Variants in FGF13 observed in about 807,000 individuals in gnomAD.
FGF13 encodes fibroblast growth factor 13.
A neutral mutation model predicts 19.5 loss-of-function variants in FGF13; 2 were observed. The observed-to-expected ratio is 0.10, with a 90% confidence interval of 0.04 to 0.32. The LOEUF (loss-of-function observed/expected upper bound fraction) is 0.32. Ranked by LOEUF, FGF13 falls within the 10% of genes least tolerant of loss-of-function variation. The probability of loss-of-function intolerance (pLI) is 1.00; values close to 1 mark genes in which losing one functional copy is unlikely to be tolerated. For synonymous variants in FGF13, 72 were observed against 76.9 expected, an observed-to-expected ratio of 0.94 and a Z score of 0.33; for missense variants, 113 against 192.7, an observed-to-expected ratio of 0.59 and a Z score of 2.45.
intron 1 of FGF13, among the ~76,000 whole-genome samples, chrX:138,962,648 A>T (rs781346934): frequency 0.013 from 1,414 of 112,382 alleles, 29 homozygotes; most frequent in African/African-American, 0.043. Context: ...ATATACACCA[A>T]GGAATACTAT....
At chrX:138,932,221 C>G (rs1440912889) in intron 1 of FGF13, among the ~76,000 whole-genome samples, 1 of 111,874 alleles carries the variant, frequency 8.9e-6, no homozygotes, top group Non-Finnish European at 1.9e-5. Context: ...AGCTTAGTAC[C>G]ATTTGCAGCA....
intron 1 of FGF13, among the ~76,000 whole-genome samples, chrX:139,107,166 G>C (rs2083566455): frequency 8.9e-6 from 1 of 111,861 alleles, no homozygotes; most frequent in South Asian, 3.8e-4. Context: ...GTGATGAAGA[G>C]TGGCAACATG....
chrX:138,742,813 T>TCCAGGCC (rs1327239423), upstream of FGF13, among the ~76,000 whole-genome samples: 2 of 111,994 alleles, frequency 1.8e-5, no homozygotes. Context: ...AGCTCTTGTC[T>TCCAGGCC]CCAGGCCCCC....
chrX:138,947,905 G>T (rs1034469332), intron 1 of FGF13, among the ~76,000 whole-genome samples: 1 of 111,129 alleles, frequency 9.0e-6, no homozygotes, highest in Admixed American at 9.6e-5. Flanking sequence ...GAAGAAATTT[G>T]GAAACAGATA....
At chrX:138,785,256 T>C (rs930252700) in intron 3 of FGF13, among the ~76,000 whole-genome samples, 2 of 111,407 alleles carry the variant, frequency 1.8e-5, no homozygotes, top group Non-Finnish European at 1.9e-5. Flanking sequence ...CTCTCTTTCT[T>C]GCATCTTAAG....
intron 1 of FGF13, among the ~76,000 whole-genome samples, chrX:138,868,450 T>C (rs1201350018): frequency 9.0e-6 from 1 of 111,047 alleles, no homozygotes; most frequent in African/African-American, 3.3e-5. Context: ...TAACAATTAG[T>C]AGAGAAACTC....
intron 3 of FGF13, among the ~76,000 whole-genome samples, chrX:138,658,884 T>C (rs1275173713): frequency 4.5e-5 from 5 of 112,267 alleles, no homozygotes; most frequent in African/African-American, 1.6e-4. Flanking sequence ...TTTTTTAAAG[T>C]GTAAGTCCTC....
chrX:138,668,024 GATAGGATTTCCATAGTCTTCCAAGAATT>G (rs761597762), intron 3 of FGF13, among the ~76,000 whole-genome samples: 3 of 111,287 alleles, frequency 2.7e-5, no homozygotes, highest in African/African-American at 9.8e-5. Flanking sequence ...TTTAATATAT[GATAGGATTTCCATAGTCTTCCAAGAATT>G]ATAGGCTTAT....
intron 1 of FGF13, among the ~76,000 whole-genome samples, chrX:139,033,046 A>AC (rs1348003837): frequency 9.6e-6 from 1 of 104,603 alleles, no homozygotes; most frequent in Non-Finnish European, 2.0e-5. Flanking sequence ...AAAAAAAAAA[A>AC]AAAAAAAAAC....
At chrX:138,865,898 C>T (rs1415532805) in intron 1 of FGF13, among the ~76,000 whole-genome samples, 1 of 111,686 alleles carries the variant, frequency 9.0e-6, no homozygotes, top group Non-Finnish European at 1.9e-5. Flanking sequence ...TCTTTCTACT[C>T]TCATCCCTCC....
chrX:138,754,178 A>C (rs937633861), intron 3 of FGF13, among the ~76,000 whole-genome samples: 1 of 111,706 alleles, frequency 9.0e-6, no homozygotes, highest in Non-Finnish European at 1.9e-5. Flanking sequence ...ATATATGTAA[A>C]TGTTGATGTT....
At chrX:138,922,778 T>C (rs2091653440) in intron 1 of FGF13, among the ~76,000 whole-genome samples, 1 of 112,139 alleles carries the variant, frequency 8.9e-6, no homozygotes, top group Non-Finnish European at 1.9e-5. Flanking sequence ...ACTTTCGTAG[T>C]TCATGGTAGA....
intron 3 of FGF13, among the ~76,000 whole-genome samples, chrX:138,655,366 G>GT (rs1410030537): frequency 8.9e-6 from 1 of 112,167 alleles, no homozygotes; most frequent in Non-Finnish European, 1.9e-5. Flanking sequence ...TTATTGTTGA[G>GT]TGAATAAATG....
intron 3 of FGF13, among the ~76,000 whole-genome samples, chrX:138,649,361 CTCAGAA>C (rs1272367720): frequency 8.9e-6 from 1 of 112,055 alleles, no homozygotes; most frequent in African/African-American, 3.2e-5. Flanking sequence ...GAACACAGTT[CTCAGAA>C]TCAAACTCCC....
At chrX:138,846,275 T>C (rs755802903) in intron 3 of FGF13, among the ~76,000 whole-genome samples, 356 of 108,637 alleles carry the variant, frequency 3.3e-3, no homozygotes, top group Non-Finnish European at 5.3e-3. Flanking sequence ...CATGTTTCCC[T>C]TGTCCCAGTG....
At chrX:139,084,052 A>G (rs770672668) in intron 1 of FGF13, among the ~76,000 whole-genome samples, 1 of 109,913 alleles carries the variant, frequency 9.1e-6, no homozygotes, top group Non-Finnish European at 1.9e-5. Flanking sequence ...TCAGTTTCTG[A>G]GCACTACAGC....
chrX:138,903,506 G>C (rs2091542478), intron 1 of FGF13, among the ~76,000 whole-genome samples: 1 of 111,488 alleles, frequency 9.0e-6, no homozygotes, highest in Non-Finnish European at 1.9e-5. Context: ...CATGATCACT[G>C]CTCCTTCCAA....
At chrX:139,135,926 T>C (rs2083796367) in intron 1 of FGF13, among the ~76,000 whole-genome samples, 1 of 111,450 alleles carries the variant, frequency 9.0e-6, no homozygotes, top group Non-Finnish European at 1.9e-5. Context: ...TAAATAATGC[T>C]AAAAAAAAGA....
At chrX:138,857,878 G>C (rs1042426121) in intron 2 of FGF13, among the ~76,000 whole-genome samples, 1 of 111,959 alleles carries the variant, frequency 8.9e-6, no homozygotes, top group Non-Finnish European at 1.9e-5. Context: ...ATAGCTACTC[G>C]ACTATATATA....
Sources: allele counts gnomAD v4.1 joint callset (sites outside exome capture counted in the v4.1 genomes callset), GRCh38; gene constraint gnomAD v4.1.1; transcripts MANE v1.5; gene names NCBI Gene and HGNC (gene_info 2026-07-23, HGNC 2026-07-21).